Variants in SEMA5B observed in about 807,000 individuals in gnomAD.
SEMA5B encodes semaphorin-5B.
Under a neutral mutation model 135.0 loss-of-function variants are expected in SEMA5B, and 66 were observed. The ratio of observed to expected loss-of-function variants is 0.49; its 90% CI spans 0.40 to 0.60. The LOEUF (loss-of-function observed/expected upper bound fraction) is 0.60, where lower values mean the gene tolerates loss of function less well. SEMA5B is among the 20% of genes least tolerant of loss of function. The pLI, the probability that SEMA5B is intolerant of heterozygous loss-of-function variation, is 0.00. For missense variants in SEMA5B, 1,501 were observed against 1,566.3 expected, an observed-to-expected ratio of 0.96 and a Z score of 0.70; for synonymous variants, 690 against 639.5, an observed-to-expected ratio of 1.08 and a Z score of -1.19.
intron 7 of SEMA5B, 81 bp downstream of exon 7, chr3:122,928,436 C>G (rs1303150547): frequency 3.3e-5 from 37 of 1,111,062 alleles, no homozygotes; most frequent in Non-Finnish European, 4.7e-5. Flanking sequence ...ATTTGGTAAC[C>G]CCCCTTCAAG....
chr3:123,021,593 G>C (rs1320276413), intron 1 of SEMA5B, among the ~76,000 whole-genome samples: 1 of 152,184 alleles, frequency 6.6e-6, no homozygotes, highest in Admixed American at 6.5e-5. Flanking sequence ...GGCTAGGGCA[G>C]TAGGGAGGGA....
chr3:123,023,935 CA>C (rs997775761), intron 1 of SEMA5B, among the ~76,000 whole-genome samples: 4 of 152,310 alleles, frequency 2.6e-5, no homozygotes, highest in African/African-American at 9.6e-5. Context: ...CAGGCAGTGA[CA>C]AAGCCAACAC....
Position 122,910,946 on chromosome 3 carries a change from C to T in SEMA5B, c.3191G>A (p.Arg1064His), listed in dbSNP as rs534828389. 33 of 1,613,814 alleles carry T rather than the reference C, an allele frequency of 2.0e-5. No homozygotes were observed. In the Middle Eastern group the frequency reaches 5.1e-4, roughly 25 times the overall value. ...GACCAGTGTGGACTCCTGGGACTGACGCTGGCAGTGCTGGCAAGACAGGTA... is the reference window on the plus strand; with the variant it reads ...GACCAGTGTGGACTCCTGGGACTGATGCTGGCAGTGCTGGCAAGACAGGTA... ...AVYLSCQHCQ[R>H]QSQESTLVHP... The change falls in exon 22 of 23, where the codon CGT (arginine) becomes CAT (histidine). Residue 1064 changes from arginine to histidine, a missense_variant. By Grantham distance (29) the Arg-to-His change is conservative. Transcript: ENST00000357599.
chr3:122,927,918 A>G lies in SEMA5B; in HGVS notation c.722T>C (p.Ile241Thr). 1 of 1,594,066 alleles carries G rather than the reference A, an allele frequency of 6.3e-7. No homozygotes were observed. Among genetic ancestry groups the G allele is most frequent in the East Asian group, 2.3e-5 (1 of 43,346 alleles). Residue 241 changes from isoleucine (I) to threonine (T), a missense_variant, in exon 8 of 23, where the codon ATC becomes ACC. Physicochemically the swap from Ile to Thr is moderately conservative, Grantham distance 89. Coordinates refer to ENST00000357599, the MANE Select transcript of SEMA5B (RefSeq NM_001031702.4). ...YDPRHNSTAVISSQGELYAAT... is the reference protein window; with the variant it reads ...YDPRHNSTAVTSSQGELYAAT... ...TGCATAGAGCTCCCCCTGGGAGGAG[A>G]TGACAGCTGTGGAGTTGTGGCGTGG... is the stretch of plus-strand genomic sequence containing the variant.
At position 122,927,953 on chromosome 3, in the gene SEMA5B, G is replaced by A; in HGVS notation, c.687C>T (p.Cys229=). 6.4e-7 allele frequency: 1 copy of A among 1,570,188 alleles called. No homozygotes were observed. The highest frequency in any genetic ancestry group is 8.6e-7 in the Non-Finnish European group (1 of 1,157,086). Residue 229 remains cysteine (C), a synonymous_variant, in exon 8 of 23, where the codon TGC becomes TGT. Transcript: ENST00000357599. ...TIEKINGVAR[C]PYDPRHNSTA... ...TGGAGTTGTGGCGTGGGTCATAGGG[G>A]CAGCGGGCCACACCATTGATCTTCT...
At chr3:122,925,342 C>T (rs1938568082) in intron 9 of SEMA5B, among the ~76,000 whole-genome samples, 1 of 151,294 alleles carries the variant, frequency 6.6e-6, no homozygotes, top group Non-Finnish European at 1.5e-5. Context: ...ACATAAAATA[C>T]ACTAAACACT....
rs1941178517 is a variant in SEMA5B at position 122,972,854 on chromosome 3, T to C, written c.-38-11553A>G. Among the ~76,000 whole-genome samples, 3 of 152,124 alleles carry C rather than the reference T, an allele frequency of 2.0e-5. No individual in the cohort carries two copies. The South Asian group carries it at 6.2e-4, about 32-fold the overall frequency. ...CAGAGGCCCTGAGAGCAGCTACAGATCCAAATGCTCAGAGTGGGAAGTTAG... is the reference window on the plus strand; with the variant it reads ...CAGAGGCCCTGAGAGCAGCTACAGACCCAAATGCTCAGAGTGGGAAGTTAG... On this transcript the variant is annotated intron_variant, in intron 1 of 22. Transcript: ENST00000357599.
At chr3:122,935,884 G>T (rs556833626) in intron 5 of SEMA5B, among the ~76,000 whole-genome samples, 1 of 151,498 alleles carries the variant, frequency 6.6e-6, no homozygotes, top group Admixed American at 6.6e-5. Context: ...GTAGAGATGG[G>T]GTTTCACCAC....
chr3:122,974,115 C>T (rs760466289), intron 1 of SEMA5B, among the ~76,000 whole-genome samples: 4 of 152,316 alleles, frequency 2.6e-5, no homozygotes, highest in South Asian at 2.1e-4. Context: ...CATCTGCTCC[C>T]GCCATGTGAC....
At chr3:123,027,908 G>T (rs1410797512), upstream of SEMA5B, 2 of 152,124 alleles carry the variant, frequency 1.3e-5, no homozygotes, top group African/African-American at 4.8e-5. Flanking sequence ...CCAGCCTCGA[G>T]GCGCGCGGAG....
intron 5 of SEMA5B, among the ~76,000 whole-genome samples, chr3:122,932,500 C>T (rs1229664307): frequency 4.6e-5 from 7 of 152,054 alleles, no homozygotes; most frequent in Non-Finnish European, 1.0e-4. Flanking sequence ...AGAAATATCC[C>T]TATCATATCT....
chr3:122,947,891 G>A (rs1025680455), intron 3 of SEMA5B, among the ~76,000 whole-genome samples: 11 of 148,940 alleles, frequency 7.4e-5, no homozygotes, highest in African/African-American at 2.8e-4. Flanking sequence ...TGGTATTTGT[G>A]TTTTGTTTTG....
In SEMA5B at chr3:123,027,692, C is replaced by G. The variant is rs1052899779; in HGVS notation, c.-267G>C. ...TGCGCTGCCGACCCGCCCGGCTCGG[C>G]GGAGCTGGGCTCTGGCACCAACCCC... is the stretch of plus-strand genomic sequence containing the variant. On this transcript the variant is annotated 5_prime_UTR_variant, in exon 1 of 23. Transcript: ENST00000357599. 2 of 152,154 alleles carry G rather than the reference C, an allele frequency of 1.3e-5. No individual in the cohort carries two copies. The highest frequency in any genetic ancestry group is 2.9e-5 in the Non-Finnish European group (2 of 68,066). The allele number at this position is 152,154 out of a possible 1,614,324, so 9.4% of individuals were successfully genotyped here.
At chr3:122,955,061 C>A (rs534023342) in intron 2 of SEMA5B, among the ~76,000 whole-genome samples, 1 of 152,008 alleles carries the variant, frequency 6.6e-6, no homozygotes, top group South Asian at 2.1e-4. Context: ...CTCAACCTCC[C>A]AAAATGCTGG....
At chr3:122,912,144 C>A (rs778997314) in intron 19 of SEMA5B, 28 bp downstream of exon 19, 1 of 1,580,920 alleles carries the variant, frequency 6.3e-7, no homozygotes, top group East Asian at 2.3e-5. Context: ...CATGTCGCTT[C>A]CCAGCCCTGG....
At chr3:122,972,395 C>T (rs1560390245) in intron 1 of SEMA5B, among the ~76,000 whole-genome samples, 1 of 152,188 alleles carries the variant, frequency 6.6e-6, no homozygotes, top group Non-Finnish European at 1.5e-5. Flanking sequence ...CAGCCCTTTT[C>T]CCTGGCATGT....
At chr3:122,969,050 A>C (rs1941003102) in intron 1 of SEMA5B, among the ~76,000 whole-genome samples, 1 of 152,224 alleles carries the variant, frequency 6.6e-6, no homozygotes, top group African/African-American at 2.4e-5. Context: ...AATTATATCT[A>C]AGCTTTCTCC....
intron 9 of SEMA5B, among the ~76,000 whole-genome samples, chr3:122,924,160 T>G (rs764265424): frequency 1.3e-3 from 200 of 152,326 alleles, no homozygotes; most frequent in Middle Eastern, 3.4e-3. Flanking sequence ...GATATTTTAT[T>G]CCATTCTATT....
intron 3 of SEMA5B, among the ~76,000 whole-genome samples, chr3:122,945,179 T>C (rs1243356519): frequency 6.6e-6 from 1 of 152,078 alleles, no homozygotes; most frequent in Non-Finnish European, 1.5e-5. Context: ...AAAACTGTGA[T>C]AGGCATGATT....
Sources: allele counts gnomAD v4.1 joint callset (sites outside exome capture counted in the v4.1 genomes callset), GRCh38; gene constraint gnomAD v4.1.1; transcripts MANE v1.5; gene names NCBI Gene and HGNC (gene_info 2026-07-23, HGNC 2026-07-21).